CHD5: variants seen among roughly 807,000 people sequenced by gnomAD.
CHD5 encodes chromodomain helicase DNA binding protein 5.
In CHD5, 69 loss-of-function variants were observed where a neutral mutation model predicts 230.3. That is an observed-to-expected ratio of 0.30 (90% confidence interval 0.25 to 0.37). The LOEUF (loss-of-function observed/expected upper bound fraction) is 0.37. Ranked by LOEUF, CHD5 falls within the 10% of genes least tolerant of loss-of-function variation. CHD5 has a pLI of 1.00. For missense variants in CHD5, 1,827 were observed against 2,622.8 expected (o/e 0.70, Z 6.63); for synonymous variants, 1,064 against 1,065.9 (o/e 1.00, Z 0.03).
chr1:6,155,531 C>T lies in CHD5; in HGVS notation c.506+68G>A. On this transcript the variant is annotated intron_variant, in intron 4 of 41. Coordinates refer to ENST00000262450, the MANE Select transcript of CHD5 (RefSeq NM_015557.3). This position sits in a 1 kb window ranked among gnomAD's most constrained non-coding sequence, Gnocchi z 4.0. ...CAGGTGCCGGGGCTTCACTCCTCTG[C>T]CTCCCTCCCGACTTGGTACCACCAG... The T allele has an allele frequency of 1.4e-6, 2 of 1,383,824 alleles. No individual in the cohort carries two copies. Among genetic ancestry groups the T allele is most frequent in the Non-Finnish European group, 2.1e-6 (2 of 973,590 alleles). The allele number at this position is 1,383,824 out of a possible 1,614,324, so 85.7% of individuals were successfully genotyped here.
chr1:6,169,051 T>C (rs1422588169), intron 1 of CHD5, among the ~76,000 whole-genome samples: 1 of 148,454 alleles, frequency 6.7e-6, no homozygotes, highest in Non-Finnish European at 1.5e-5. Context: ...GAGAGAATTG[T>C]GGAGCACAGG....
At chr1:6,161,958 CG>C (rs1353224879) in intron 2 of CHD5, among the ~76,000 whole-genome samples, 1 of 152,208 alleles carries the variant, frequency 6.6e-6, no homozygotes, top group Non-Finnish European at 1.5e-5. Context: ...CAGTGAGTCC[CG>C]GGCTCCCCAG....
In CHD5 at chr1:6,134,159, T is replaced by C. The variant is rs1666702364; in HGVS notation, c.3113A>G (p.Asp1038Gly). 1 of 1,613,624 alleles carries C rather than the reference T, an allele frequency of 6.2e-7. No homozygotes were observed. The highest frequency in any genetic ancestry group is 1.7e-5 in the Admixed American group (1 of 60,000). Residue 1038 changes from aspartate to glycine, a missense_variant, in exon 20 of 42, where the codon GAT becomes GGT. By Grantham distance (94) the Asp-to-Gly change is moderately conservative. Around this residue, in one of 14 missense-constraint regions of CHD5, gnomAD observed 38 missense variants for 49.5 expected, o/e 0.77. Transcript: ENST00000262450. This position sits in a 1 kb window ranked among gnomAD's most constrained non-coding sequence, Gnocchi z 6.3. Reference sequence around the variant, plus strand: ...GAAGATGAGCACACGGTGCCCCTCATCCCGCAGTTTCTTCAGCATCTTCTG... The same window carrying C: ...GAAGATGAGCACACGGTGCCCCTCACCCCGCAGTTTCTTCAGCATCTTCTG... ...LLQKMLKKLR[D>G]EGHRVLIFSQ...
At chr1:6,124,764 C>A in intron 29 of CHD5, 103 bp from the exon 30 acceptor site, 1 of 766,446 alleles carries the variant, frequency 1.3e-6, no homozygotes, top group Non-Finnish European at 2.1e-6. Flanking sequence ...TGATCTTCAA[C>A]CATCGCCCAC....
intron 2 of CHD5, among the ~76,000 whole-genome samples, chr1:6,159,732 G>A (rs1667137119): frequency 6.6e-6 from 1 of 152,244 alleles, no homozygotes; most frequent in South Asian, 2.1e-4. Flanking sequence ...CTTGTCCCCA[G>A]GGTCTACGCC....
chr1:6,169,255 C>T (rs1667299519), intron 1 of CHD5, among the ~76,000 whole-genome samples: 2 of 152,234 alleles, frequency 1.3e-5, no homozygotes, highest in African/African-American at 4.8e-5. Context: ...CTCCAACACA[C>T]TCACAACGGG....
rs1392290524 is a variant in CHD5 at position 6,126,633 on chromosome 1, C to G, written c.4017G>C (p.Leu1339=). 6.2e-7 allele frequency: 1 copy of G among 1,613,962 alleles called. No homozygotes were observed. Among genetic ancestry groups the G allele is most frequent in the South Asian group, 1.1e-5 (1 of 91,084 alleles). The change falls in exon 26 of 42, where the codon CTG becomes CTC. Residue 1339 remains leucine (L), a synonymous_variant. Coordinates refer to ENST00000262450, the MANE Select transcript of CHD5 (RefSeq NM_015557.3). This position sits in a 1 kb window ranked among gnomAD's most constrained non-coding sequence, Gnocchi z 5.7. The part of the protein sequence containing the change: ...EQQQEDLARN[L]GKGKRIRKQV... ...GCTTGCGGATGCGCTTGCCCTTGCC[C>G]AGGTTGCGGGCCAGGTCCTCCTGCT...
intron 1 of CHD5, among the ~76,000 whole-genome samples, chr1:6,174,700 T>C (rs999336280): frequency 1.3e-5 from 2 of 149,926 alleles, no homozygotes; most frequent in Non-Finnish European, 3.0e-5. Flanking sequence ...GATGGGTGGA[T>C]GGATGAATGG....
At chr1:6,176,266 ACT>A (rs1399249460) in intron 1 of CHD5, among the ~76,000 whole-genome samples, 1 of 151,986 alleles carries the variant, frequency 6.6e-6, no homozygotes, top group Admixed American at 6.6e-5. Context: ...CATGACTGTC[ACT>A]CTCTCCTGGC....
chr1:6,127,361 C>A (rs1249172004), intron 25 of CHD5, among the ~76,000 whole-genome samples: 2 of 152,154 alleles, frequency 1.3e-5, no homozygotes, highest in African/African-American at 4.8e-5. Context: ...GTGGTGCATG[C>A]CAGTAATCCC....
At position 6,154,586 on chromosome 1, in the gene CHD5, C is replaced by A; in HGVS notation, c.745+74G>T. Reference sequence around the variant, plus strand: ...TGCCCCTCCCTGCCCGCGTCTGCCCCGTGGCTTCTCCTATAGGGTCTGAAA... The same window carrying A: ...TGCCCCTCCCTGCCCGCGTCTGCCCAGTGGCTTCTCCTATAGGGTCTGAAA... On this transcript the variant is annotated intron_variant, in intron 5 of 41. Coordinates refer to ENST00000262450, the MANE Select transcript of CHD5 (RefSeq NM_015557.3). This position sits in a 1 kb window ranked among gnomAD's most constrained non-coding sequence, Gnocchi z 7.0. 2 of 1,386,234 alleles carry A rather than the reference C, an allele frequency of 1.4e-6. No individual in the cohort carries two copies. Among genetic ancestry groups the A allele is most frequent in the Non-Finnish European group, 1.9e-6 (2 of 1,033,544 alleles). The allele number at this position is 1,386,234 out of a possible 1,614,324, so 85.9% of individuals were successfully genotyped here. A position where few individuals can be genotyped will look rare whatever the true frequency, so the allele number is the denominator to read the frequency against.
In CHD5 at chr1:6,146,564, C is replaced by A; in HGVS notation, c.1590+101G>T. 7.1e-7 allele frequency: 1 copy of A among 1,413,644 alleles called. No individual in the cohort carries two copies. The highest frequency in any genetic ancestry group is 9.9e-7 in the Non-Finnish European group (1 of 1,005,424). 87.6% of individuals were successfully genotyped at this position (1,413,644 alleles called of 1,614,324 possible). A position where few individuals can be genotyped will look rare whatever the true frequency, so the allele number is the denominator to read the frequency against. Reference sequence around the variant, plus strand: ...AGCACCACCCCAACTCCCAACAGCACCCCTCAGTCAGAGGCGCTTCAGCCC... The same window carrying A: ...AGCACCACCCCAACTCCCAACAGCAACCCTCAGTCAGAGGCGCTTCAGCCC... On this transcript the variant is annotated intron_variant, in intron 10 of 41. Coordinates refer to ENST00000262450, the MANE Select transcript of CHD5 (RefSeq NM_015557.3). The surrounding 1 kb of genome is among the most constrained non-coding windows in gnomAD (Gnocchi z 5.1).
In CHD5 at chr1:6,121,569, T is replaced by C; in HGVS notation, c.4704A>G (p.Lys1568=). The C allele has an allele frequency of 6.2e-7, 1 of 1,611,698 alleles. No individual in the cohort carries two copies. The highest frequency in any genetic ancestry group is 8.5e-7 in the Non-Finnish European group (1 of 1,178,742). ...LLPAPLGLPD[K]MEAQLGYMDE... ...CCATGTAGCCCAGCTGGGCTTCCAT[T>C]TTGTCTGAAAGATCAAGGGAAAGAG... The change falls in exon 32 of 42, where the codon AAA becomes AAG. Residue 1568 remains lysine (K), a synonymous_variant. Coordinates refer to ENST00000262450, the MANE Select transcript of CHD5 (RefSeq NM_015557.3). This position sits in a 1 kb window ranked among gnomAD's most constrained non-coding sequence, Gnocchi z 4.5.
Position 6,131,864 on chromosome 1 carries a change from A to C in CHD5, c.3145-116T>G. On this transcript the variant is annotated intron_variant, in intron 20 of 41. Transcript: ENST00000262450. This position sits in a 1 kb window ranked among gnomAD's most constrained non-coding sequence, Gnocchi z 5.0. ...AGAGCTGCCTGCTAGGTGGGGAGAC[A>C]GCTGGGACCCAGGCAGGCCCAATGC... 1.5e-6 allele frequency: 1 copy of C among 674,260 alleles called. No homozygotes were observed. 41.8% of individuals were successfully genotyped at this position (674,260 alleles called of 1,614,324 possible).
intron 11 of CHD5, among the ~76,000 whole-genome samples, chr1:6,144,822 G>A (rs1283426255): frequency 6.6e-6 from 1 of 152,226 alleles, no homozygotes; most frequent in East Asian, 1.9e-4. Context: ...CACAGACCCG[G>A]TGAGCAGCGG....
chr1:6,106,384 C>G lies in CHD5; in HGVS notation c.5857+11G>C. ...CCGTGTGCATGCTGCCCGGAGCGGA[C>G]GGGCACCTACCGGTCACATAGGGCC... On this transcript the variant is annotated intron_variant, in intron 40 of 41. Transcript: ENST00000262450. 1 of 1,605,304 alleles carries G rather than the reference C, an allele frequency of 6.2e-7. No individual in the cohort carries two copies. Among genetic ancestry groups the G allele is most frequent in the South Asian group, 1.1e-5 (1 of 90,434 alleles).
intron 39 of CHD5, 53 bp downstream of exon 39, chr1:6,106,563 C>T: frequency 1.3e-6 from 2 of 1,550,188 alleles, no homozygotes; most frequent in Non-Finnish European, 1.7e-6. Flanking sequence ...ACCCAGCCTC[C>T]ACCCAGGGGC....
chr1:6,117,663 A>G (rs1382169366), intron 33 of CHD5, among the ~76,000 whole-genome samples: 1 of 152,244 alleles, frequency 6.6e-6, no homozygotes, highest in East Asian at 1.9e-4. Context: ...TTATACACAA[A>G]TAAGCCATAA....
intron 1 of CHD5, among the ~76,000 whole-genome samples, chr1:6,179,262 C>G (rs1201944018): frequency 6.6e-6 from 1 of 152,232 alleles, no homozygotes; most frequent in East Asian, 1.9e-4. Flanking sequence ...AGGCTGGAGA[C>G]AGCGGCGGGC....
Sources: allele counts gnomAD v4.1 joint callset (sites outside exome capture counted in the v4.1 genomes callset), GRCh38; gene constraint gnomAD v4.1.1; regional missense constraint gnomAD v4.1.1; non-coding constraint Gnocchi (gnomAD v3.1); transcripts MANE v1.5; gene names NCBI Gene and HGNC (gene_info 2026-07-23, HGNC 2026-07-21).